The following WDR59 variants were observed in gnomAD, a reference collection of about 807,000 sequenced individuals.
WDR59 encodes WD repeat domain 59.
Under a neutral mutation model 131.2 loss-of-function variants are expected in WDR59, and 100 were observed. That is an observed-to-expected ratio of 0.76 (90% CI 0.65 to 0.90). WDR59 has a LOEUF of 0.90. WDR59 is among the 40% of genes least tolerant of loss of function. The probability of loss-of-function intolerance (pLI) is 0.00; values close to 1 mark genes in which losing one functional copy is unlikely to be tolerated. For synonymous variants in WDR59, 601 were observed against 466.2 expected, an observed-to-expected ratio of 1.29 and a Z score of -3.72; for missense variants, 1,203 against 1,262.2, an observed-to-expected ratio of 0.95 and a Z score of 0.71.
chr16:74,965,792 G>T lies in WDR59; in HGVS notation c.85C>A (p.Gln29Lys). 1 of 1,614,116 alleles carries T rather than the reference G, an allele frequency of 6.2e-7. No homozygotes were observed. Among genetic ancestry groups the T allele is most frequent in the Non-Finnish European group, 8.5e-7 (1 of 1,180,014 alleles). The part of the protein sequence containing the change: ...ATAMSVDCLG[Q>K]HAVLSGRRFL... Reference sequence around the variant, plus strand: ...ACTTACCCAGAAAGCACTGCATGCTGCCCAAGACAGTCCACAGACATCGCA... The same window carrying T: ...ACTTACCCAGAAAGCACTGCATGCTTCCCAAGACAGTCCACAGACATCGCA... The change falls in exon 2 of 26, where the codon CAG becomes AAG. Residue 29 changes from glutamine to lysine, a missense_variant. Physicochemically the swap from Gln to Lys is moderately conservative, Grantham distance 53 (BLOSUM62 1). Transcript: ENST00000262144.
intron 3 of WDR59, among the ~76,000 whole-genome samples, chr16:74,954,148 C>T (rs1364196151): frequency 6.6e-6 from 1 of 152,132 alleles, no homozygotes; most frequent in Non-Finnish European, 1.5e-5. Flanking sequence ...GTGGCTCATG[C>T]CTGTAATCCA....
intron 1 of WDR59, among the ~76,000 whole-genome samples, chr16:74,981,865 A>G (rs1182097123): frequency 7.1e-6 from 1 of 139,980 alleles, no homozygotes; most frequent in East Asian, 2.2e-4. Context: ...CATGTTGGCC[A>G]GGCTGGTCTC....
chr16:74,932,430 T>TAC (rs34468583), intron 8 of WDR59, among the ~76,000 whole-genome samples: 5,593 of 144,124 alleles, frequency 0.039, 178 homozygotes, highest in Admixed American at 0.085. Context: ...ACATAATTTT[T>TAC]ACACACACAC....
intron 14 of WDR59, 52 bp from the exon 15 acceptor site, chr16:74,909,969 G>GTTT (rs35006526): frequency 0.013 from 12,062 of 930,142 alleles, 23 homozygotes; most frequent in African/African-American, 0.035. Context: ...TCTCTGATAG[G>GTTT]TTTTTTTTTT....
chr16:74,933,748 G>C (rs1045130182), intron 8 of WDR59, among the ~76,000 whole-genome samples: 7 of 152,094 alleles, frequency 4.6e-5, no homozygotes, highest in Admixed American at 1.3e-4. Flanking sequence ...ACCACACCAA[G>C]CTAATTTTGT....
intron 1 of WDR59, among the ~76,000 whole-genome samples, chr16:74,979,399 G>A (rs2034309916): frequency 6.6e-6 from 1 of 151,600 alleles, no homozygotes; most frequent in South Asian, 2.1e-4. Flanking sequence ...CCGGGAGGCG[G>A]AGCTTACAGT....
chr16:74,904,160 T>C, intron 17 of WDR59, 60 bp from the exon 18 acceptor site: 2 of 1,569,142 alleles, frequency 1.3e-6, no homozygotes, highest in South Asian at 1.2e-5. Flanking sequence ...TTCCAAGTGG[T>C]GCTATTCTTA....
At chr16:74,968,939 G>C (rs2033876773) in intron 1 of WDR59, among the ~76,000 whole-genome samples, 1 of 152,160 alleles carries the variant, frequency 6.6e-6, no homozygotes, top group South Asian at 2.1e-4. Flanking sequence ...TGGAGAAAGG[G>C]AACACTGAGC....
chr16:74,877,781 G>A (rs1400423396), intron 25 of WDR59, among the ~76,000 whole-genome samples: 3 of 152,150 alleles, frequency 2.0e-5, no homozygotes, highest in African/African-American at 4.8e-5. Flanking sequence ...CTGACCTCAG[G>A]TGATCCACCT....
chr16:74,893,024 T>A (rs1169038195), intron 19 of WDR59, among the ~76,000 whole-genome samples: 3 of 152,222 alleles, frequency 2.0e-5, no homozygotes, highest in Non-Finnish European at 4.4e-5. Flanking sequence ...GGCCTCTGCA[T>A]GCCAATTACT....
At chr16:74,927,466 G>C (rs1284122596) in intron 8 of WDR59, among the ~76,000 whole-genome samples, 1 of 151,362 alleles carries the variant, frequency 6.6e-6, no homozygotes, top group Non-Finnish European at 1.5e-5. Flanking sequence ...CACACGCCTG[G>C]AGTCCCAGCT....
chr16:74,893,892 G>A (rs1186234697), intron 18 of WDR59, 80 bp from the exon 19 acceptor site: 48 of 1,497,146 alleles, frequency 3.2e-5, no homozygotes, highest in African/African-American at 4.2e-5. Context: ...TCATATTGGG[G>A]TCATTGGCAA....
chr16:74,964,299 A>T (rs969505154), intron 2 of WDR59, among the ~76,000 whole-genome samples: 1 of 151,626 alleles, frequency 6.6e-6, no homozygotes, highest in Non-Finnish European at 1.5e-5. Flanking sequence ...GAATCACTTG[A>T]AACCGGAAGG....
chr16:74,974,393 G>A (rs969038513), intron 1 of WDR59, among the ~76,000 whole-genome samples: 1 of 152,042 alleles, frequency 6.6e-6, no homozygotes, highest in Non-Finnish European at 1.5e-5. Flanking sequence ...TAATAATAAT[G>A]GTAATCAACA....
intron 24 of WDR59, 97 bp from the exon 25 acceptor site, chr16:74,885,892 C>T (rs1290246747): frequency 7.6e-6 from 11 of 1,453,686 alleles, no homozygotes; most frequent in Non-Finnish European, 1.0e-5. Context: ...AGCAACAGTC[C>T]TGGCCAGGCA....
chr16:74,925,837 T>A (rs939155400), intron 8 of WDR59, among the ~76,000 whole-genome samples: 1 of 151,970 alleles, frequency 6.6e-6, no homozygotes, highest in African/African-American at 2.4e-5. Context: ...CAGATCAGCC[T>A]GGGCAACAAA....
At chr16:74,967,525 G>A (rs937325666) in intron 1 of WDR59, among the ~76,000 whole-genome samples, 2 of 152,106 alleles carry the variant, frequency 1.3e-5, no homozygotes, top group African/African-American at 4.8e-5. Context: ...ATTGGGAAGG[G>A]ATTTTATGGA....
rs1964842572 is a variant in WDR59 at position 74,887,842 on chromosome 16, G to A, written c.2347-87C>T. ...TCACATTAAGAAAACAGCAGGCCAAGCACGGTGGCTCATGCCTGTAATCCT... is the reference window on the plus strand; with the variant it reads ...TCACATTAAGAAAACAGCAGGCCAAACACGGTGGCTCATGCCTGTAATCCT... On this transcript the variant is annotated intron_variant, in intron 22 of 25. Transcript: ENST00000262144. 4.5e-6 allele frequency: 6 copies of A among 1,339,866 alleles called. No individual in the cohort carries two copies. In the Admixed American group the frequency reaches 9.0e-5, roughly 20 times the overall value. 83.0% of individuals were successfully genotyped at this position (1,339,866 alleles called of 1,614,324 possible).
chr16:74,893,480 C>G (rs1325108065), intron 19 of WDR59, among the ~76,000 whole-genome samples, 199 bp downstream of exon 19: 1 of 152,038 alleles, frequency 6.6e-6, no homozygotes, highest in African/African-American at 2.4e-5. Context: ...TCGCGACCCA[C>G]AAAAACTGGA....
Sources: gnomAD v4.1 joint callset for allele counts (sites outside exome capture counted in the v4.1 genomes callset) on GRCh38, gnomAD v4.1.1 for gene constraint, MANE v1.5 for transcripts, NCBI Gene and HGNC (gene_info 2026-07-23, HGNC 2026-07-21) for gene names.